MYOCOS: variants seen among roughly 807,000 people sequenced by gnomAD.
MYOCOS encodes the protein myocilin opposite strand protein.
intron 1 of MYOCOS, among the ~76,000 whole-genome samples, chr1:171,612,355 A>G (rs1379798114): frequency 5.9e-5 from 9 of 151,952 alleles, no homozygotes; most frequent in African/African-American, 2.2e-4. Context: ...CTGGGATTAC[A>G]GGTGTGAGCC....
intron 1 of MYOCOS, among the ~76,000 whole-genome samples, chr1:171,611,394 G>A (rs939812994): frequency 6.6e-6 from 1 of 152,094 alleles, no homozygotes; most frequent in African/African-American, 2.4e-5. Flanking sequence ...TGCTGGGCCT[G>A]CTCAAACTCA....
chr1:171,619,242 T>C (rs1198473716), upstream of MYOCOS, among the ~76,000 whole-genome samples: 1 of 152,212 alleles, frequency 6.6e-6, no homozygotes, highest in African/African-American at 2.4e-5. Context: ...TGTGGTTTCA[T>C]TATCATCAAT....
chr1:171,608,953 CA>C (rs1361587070), intron 1 of MYOCOS, among the ~76,000 whole-genome samples: 29 of 152,140 alleles, frequency 1.9e-4, no homozygotes, highest in Non-Finnish European at 4.0e-4. Flanking sequence ...TTTCACTGCT[CA>C]GTGATAAGCT....
At position 171,626,820 on chromosome 1, in the gene MYOCOS, A is replaced by G; in HGVS notation, c.*219A>G. ...TCTGATATGATATGCATATATTTTGATCTTTATGTTATGCTATAGAACTGT... is the reference window on the plus strand; with the variant it reads ...TCTGATATGATATGCATATATTTTGGTCTTTATGTTATGCTATAGAACTGT... On this transcript the variant is annotated 3_prime_UTR_variant, in exon 3 of 3. Coordinates refer to ENST00000637642, the MANE Select transcript of MYOCOS (RefSeq NM_001391940.1). 1 of 369,388 alleles carries G rather than the reference A, an allele frequency of 2.7e-6. No homozygotes were observed. Among genetic ancestry groups the G allele is most frequent in the Admixed American group, 4.6e-5 (1 of 21,908 alleles). 22.9% of individuals were successfully genotyped at this position (369,388 alleles called of 1,614,324 possible).
In MYOCOS at chr1:171,622,951, A is replaced by C. The variant is rs115766141; in HGVS notation, c.-44+619A>C. Among the ~76,000 whole-genome samples, 812 of 152,332 alleles carry C rather than the reference A, an allele frequency of 5.3e-3. 6 individuals are homozygous for C. Among genetic ancestry groups the C allele is most frequent in the African/African-American group, 0.019 (780 of 41,576 alleles). On this transcript the variant is annotated intron_variant, in intron 1 of 2. Coordinates refer to ENST00000637642, the MANE Select transcript of MYOCOS (RefSeq NM_001391940.1). Reference sequence around the variant, plus strand: ...TCAAATAAGATGAAGCAAAAGGGCCAGGCATGGTGGCTCATGCCTGCAATC... The same window carrying C: ...TCAAATAAGATGAAGCAAAAGGGCCCGGCATGGTGGCTCATGCCTGCAATC...
intron 1 of MYOCOS, among the ~76,000 whole-genome samples, chr1:171,611,759 G>C (rs1261785710): frequency 6.6e-6 from 1 of 152,174 alleles, no homozygotes; most frequent in African/African-American, 2.4e-5. Flanking sequence ...AGCATCCAAA[G>C]AGGCCTACCA....
intron 2 of MYOCOS, among the ~76,000 whole-genome samples, chr1:171,624,257 T>G (rs1045833239): frequency 6.6e-6 from 1 of 151,336 alleles, no homozygotes; most frequent in Non-Finnish European, 1.5e-5. Flanking sequence ...GGGATCACTT[T>G]GTTTGGTTTG....
At chr1:171,623,593 A>T (rs1652616681) in intron 1 of MYOCOS, among the ~76,000 whole-genome samples, 1 of 152,166 alleles carries the variant, frequency 6.6e-6, no homozygotes, top group African/African-American at 2.4e-5. Flanking sequence ...GATTGGAATA[A>T]TCACATTTGT....
chr1:171,620,027 C>T (rs566770834), upstream of MYOCOS, among the ~76,000 whole-genome samples: 2 of 148,814 alleles, frequency 1.3e-5, no homozygotes, highest in South Asian at 4.2e-4. Flanking sequence ...CCTGTGGGAC[C>T]TTGTGATCAT....
At chr1:171,619,720 C>G (rs1405624911), upstream of MYOCOS, among the ~76,000 whole-genome samples, 2 of 151,524 alleles carry the variant, frequency 1.3e-5, no homozygotes, top group African/African-American at 4.9e-5. Flanking sequence ...ACCTGTGGTC[C>G]CAGCTACTCA....
chr1:171,617,321 A>G (rs73041911), upstream of MYOCOS, among the ~76,000 whole-genome samples: 12,315 of 152,118 alleles, frequency 0.081, 1,651 homozygotes, highest in African/African-American at 0.28. Context: ...CTGACACGCG[A>G]TTAAGTGATG....
In MYOCOS at chr1:171,614,357, G is replaced by A. The variant is rs193165389; in HGVS notation, c.-251-441G>A. 6.6e-5 allele frequency among the ~76,000 whole-genome samples: 10 copies of A among 152,312 alleles called. No individual in the cohort carries two copies. In the East Asian group the frequency reaches 1.9e-3, roughly 29 times the overall value. On this transcript the variant is annotated intron_variant, in intron 1 of 3. Coordinates refer to the MYOCOS transcript ENST00000636697. ...AGTGCCCTCTGCATCAATATCTGTG[G>A]GAGAATTAAGTAAGTAGGTTTGGGC...
At chr1:171,602,167 GA>G (rs199800664) in intron 1 of MYOCOS, among the ~76,000 whole-genome samples, 2 of 151,926 alleles carry the variant, frequency 1.3e-5, no homozygotes, top group Non-Finnish European at 2.9e-5. Context: ...CTTGTTTAAA[GA>G]AAAAAATCTT....
At chr1:171,621,409 T>C (rs181017960), upstream of MYOCOS, among the ~76,000 whole-genome samples, 86 of 125,166 alleles carry the variant, frequency 6.9e-4, no homozygotes, top group East Asian at 7.5e-3. Context: ...GTAGTCTCAC[T>C]CTGTCAACCA....
At chr1:171,621,226 C>T (rs921224961), upstream of MYOCOS, among the ~76,000 whole-genome samples, 5 of 152,086 alleles carry the variant, frequency 3.3e-5, no homozygotes, top group South Asian at 1.0e-3. Context: ...AGAATCTCTT[C>T]AAATATTTTA....
intron 2 of MYOCOS, among the ~76,000 whole-genome samples, chr1:171,615,568 C>T (rs1044505201): frequency 3.9e-4 from 59 of 152,146 alleles, no homozygotes; most frequent in African/African-American, 1.3e-3. Context: ...TGGCCTAAAC[C>T]CAGTAGTTAA....
intron 1 of MYOCOS, among the ~76,000 whole-genome samples, chr1:171,604,650 C>T (rs775805825): frequency 9.2e-5 from 14 of 152,258 alleles, no homozygotes; most frequent in East Asian, 7.7e-4. Flanking sequence ...TAAAATTTGA[C>T]GCCTGTGCCA....
chr1:171,613,299 A>G (rs746739095), intron 1 of MYOCOS, among the ~76,000 whole-genome samples: 1 of 152,206 alleles, frequency 6.6e-6, no homozygotes, highest in Non-Finnish European at 1.5e-5. Flanking sequence ...CTGGTTGCAC[A>G]AAGGGAGGTC....
chr1:171,611,793 G>A (rs1209342671), intron 1 of MYOCOS, among the ~76,000 whole-genome samples: 1 of 152,172 alleles, frequency 6.6e-6, no homozygotes, highest in African/African-American at 2.4e-5. Flanking sequence ...TTTCTTAGTG[G>A]TGGGAGGTAC....
Sources: gnomAD v4.1 joint callset for allele counts (sites outside exome capture counted in the v4.1 genomes callset) on GRCh38, gnomAD v4.1.1 for gene constraint, MANE v1.5 for transcripts, NCBI Gene and HGNC (gene_info 2026-07-23, HGNC 2026-07-21) for gene names.